NEK9: variants seen among roughly 807,000 people sequenced by gnomAD.
NEK9 encodes NIMA related kinase 9.
NEK9 carries 75 observed loss-of-function variants against 123.4 expected under a neutral mutation model. The observed-to-expected ratio is 0.61, with a 90% CI of 0.50 to 0.74. The LOEUF is 0.74. Among genes scored for constraint, NEK9 ranks in the 30% least tolerant of loss-of-function variants. NEK9 has a pLI of 0.00. For synonymous variants in NEK9, 438 were observed against 458.7 expected, an observed-to-expected ratio of 0.95 and a Z score of 0.58; for missense variants, 952 against 1,214.4, an observed-to-expected ratio of 0.78 and a Z score of 3.21.
At chr14:75,091,745 G>C (rs544870637) in intron 18 of NEK9, 10 of 343,210 alleles carry the variant, frequency 2.9e-5, no homozygotes, top group Middle Eastern at 7.6e-4. Flanking sequence ...TCCATAGCAG[G>C]TTATCAATAT....
chr14:75,127,124 T>A (rs1895569293), upstream of NEK9: 2 of 515,680 alleles, frequency 3.9e-6, no homozygotes, highest in South Asian at 2.7e-5. Context: ...TTGCTTACCC[T>A]CTTGGCTAGT....
intron 9 of NEK9, 46 bp downstream of exon 9, chr14:75,110,275 T>A: frequency 6.9e-7 from 1 of 1,449,682 alleles, no homozygotes. Context: ...AACCCCCTGG[T>A]TGTAATTTCG....
In NEK9 at chr14:75,101,861, C is replaced by T. The variant is rs934435573; in HGVS notation, c.1732-96G>A. 18 of 799,200 alleles carry T rather than the reference C, an allele frequency of 2.3e-5. No individual in the cohort carries two copies. In the Admixed American group the frequency reaches 2.4e-4, roughly 11 times the overall value. The allele number at this position is 799,200 out of a possible 1,614,324, so 49.5% of individuals were successfully genotyped here. On this transcript the variant is annotated intron_variant, in intron 14 of 21. Coordinates refer to ENST00000238616, the MANE Select transcript of NEK9 (RefSeq NM_033116.6). ...AAAAAAGTCCTGGTGACCAAAAGGC[C>T]TTTCAAGTAAGTTATATTACTAAGA...
intron 6 of NEK9, chr14:75,116,636 A>G: frequency 5.3e-6 from 1 of 188,622 alleles, no homozygotes; most frequent in Non-Finnish European, 1.2e-5. Flanking sequence ...TTTAATTTTA[A>G]TTTTTTTTTG....
chr14:75,082,805 A>G lies in NEK9; in HGVS notation c.*1759T>C. On this transcript the variant is annotated 3_prime_UTR_variant, in exon 22 of 22. Transcript: ENST00000238616. Reference sequence around the variant, plus strand: ...CGGTCCTCAAGAAAATCAAAGTTGCATTTACATGCTGAACCAAAACCCACT... The same window carrying G: ...CGGTCCTCAAGAAAATCAAAGTTGCGTTTACATGCTGAACCAAAACCCACT... 2.5e-6 allele frequency: 1 copy of G among 396,522 alleles called. No homozygotes were observed. Among genetic ancestry groups the G allele is most frequent in the Non-Finnish European group, 4.4e-6 (1 of 225,266 alleles). 24.6% of individuals were successfully genotyped at this position (396,522 alleles called of 1,614,324 possible).
At chr14:75,106,044 C>T (rs372797885) in intron 12 of NEK9, 48 bp from the exon 13 acceptor site, 3 of 1,506,454 alleles carry the variant, frequency 2.0e-6, no homozygotes, top group Non-Finnish European at 2.8e-6. Flanking sequence ...GGCTTCCTTC[C>T]CAGTGAATAG....
intron 2 of NEK9, among the ~76,000 whole-genome samples, chr14:75,122,858 T>G (rs1040807533): frequency 2.7e-5 from 4 of 145,476 alleles, no homozygotes; most frequent in African/African-American, 1.0e-4. Context: ...TGCAGCGGTC[T>G]GAGCTCACAA....
intron 13 of NEK9, 130 bp from the exon 14 acceptor site, chr14:75,104,127 T>C: frequency 1.1e-6 from 1 of 923,998 alleles, no homozygotes; most frequent in Non-Finnish European, 1.6e-6. Context: ...GACTGCTCTA[T>C]TCTTTTCAGG....
At chr14:75,111,773 C>T (rs1422495484) in intron 8 of NEK9, among the ~76,000 whole-genome samples, 1 of 152,110 alleles carries the variant, frequency 6.6e-6, no homozygotes, top group Admixed American at 6.5e-5. Flanking sequence ...TGCCTGTAGT[C>T]CCAGCTACCC....
intron 3 of NEK9, 78 bp from the exon 4 acceptor site, chr14:75,120,658 A>C (rs955698349): frequency 3.9e-6 from 4 of 1,023,808 alleles, no homozygotes; most frequent in Non-Finnish European, 5.9e-6. Flanking sequence ...TAAACAAACA[A>C]AACAAAGAAA....
At chr14:75,097,600 A>G (rs1894432283) in intron 16 of NEK9, among the ~76,000 whole-genome samples, 1 of 152,222 alleles carries the variant, frequency 6.6e-6, no homozygotes. Context: ...AGTGAACAAA[A>G]CCAAGTCCTT....
At chr14:75,113,307 A>G in intron 8 of NEK9, 32 bp downstream of exon 8, 1 of 1,562,784 alleles carries the variant, frequency 6.4e-7, no homozygotes, top group Non-Finnish European at 8.8e-7. Flanking sequence ...CTATCTCAGA[A>G]AAGACAATGG....
At chr14:75,112,135 TA>T (rs1405729050) in intron 8 of NEK9, among the ~76,000 whole-genome samples, 1 of 151,962 alleles carries the variant, frequency 6.6e-6, no homozygotes, top group Non-Finnish European at 1.5e-5. Context: ...CATAGTAGAA[TA>T]AAAGTACTGA....
chr14:75,108,514 CGTGTGTGTGTGTGTGTGT>C (rs35358755), intron 10 of NEK9, among the ~76,000 whole-genome samples: 8 of 147,886 alleles, frequency 5.4e-5, no homozygotes, highest in Non-Finnish European at 8.9e-5. Context: ...TGTGCGTGTG[CGTGTGTGTGTGTGTGTGT>C]GTGTGTGTGT....
rs1893946322 is a variant in NEK9, at chr14:75,084,192, C to T, written c.*372G>A. On this transcript the variant is annotated 3_prime_UTR_variant, in exon 22 of 22. Coordinates refer to ENST00000238616, the MANE Select transcript of NEK9 (RefSeq NM_033116.6). Reference sequence around the variant, plus strand: ...GCCTGGTACTGAATTCCCAAGGCAGCTTCCAATCAATGGTGAAAATGATAC... The same window carrying T: ...GCCTGGTACTGAATTCCCAAGGCAGTTTCCAATCAATGGTGAAAATGATAC... 5.0e-6 allele frequency: 1 copy of T among 201,210 alleles called. No individual in the cohort carries two copies. Among genetic ancestry groups the T allele is most frequent in the African/African-American group, 2.3e-5 (1 of 43,604 alleles). 12.5% of individuals were successfully genotyped at this position (201,210 alleles called of 1,614,324 possible).
intron 12 of NEK9, 69 bp downstream of exon 12, chr14:75,106,433 A>AT: frequency 3.3e-6 from 4 of 1,209,932 alleles, no homozygotes; most frequent in Non-Finnish European, 4.8e-6. Flanking sequence ...TGATGGGTTT[A>AT]GATGCATACA....
intron 18 of NEK9, among the ~76,000 whole-genome samples, chr14:75,093,352 T>C (rs889213822): frequency 6.6e-6 from 1 of 152,252 alleles, no homozygotes. Flanking sequence ...TCTGGCCTCC[T>C]ACCCAGATGA....
chr14:75,113,671 G>A (rs144577180), intron 7 of NEK9, among the ~76,000 whole-genome samples: 2 of 152,246 alleles, frequency 1.3e-5, no homozygotes, highest in African/African-American at 4.8e-5. Flanking sequence ...TACCTGAGGT[G>A]TTTGTTACAA....
At chr14:75,123,404 C>CA (rs374021221) in intron 2 of NEK9, among the ~76,000 whole-genome samples, 1,974 of 151,044 alleles carry the variant, frequency 0.013, 24 homozygotes, top group South Asian at 0.028. Context: ...AACTCCATCT[C>CA]AAAAAAAATA....
Sources: allele counts gnomAD v4.1 joint callset (sites outside exome capture counted in the v4.1 genomes callset), GRCh38; gene constraint gnomAD v4.1.1; transcripts MANE v1.5; gene names NCBI Gene and HGNC (gene_info 2026-07-23, HGNC 2026-07-21).